The following SRCIN1 variants were observed in gnomAD, a reference collection of about 807,000 sequenced individuals.
The protein encoded by SRCIN1 is SRC kinase signaling inhibitor 1, also known as P130Cas-associated protein.
SRCIN1 carries 50 observed loss-of-function variants against 116.2 expected under a neutral mutation model. The observed-to-expected ratio is 0.43, with a 90% confidence interval of 0.34 to 0.54. SRCIN1 has a LOEUF of 0.54. Ranked by LOEUF, SRCIN1 falls within the 20% of genes least tolerant of loss-of-function variation. The pLI is 0.02. For synonymous variants in SRCIN1, 736 were observed against 750.0 expected, an observed-to-expected ratio of 0.98 and a Z score of 0.30; for missense variants, 1,446 against 1,672.0, an observed-to-expected ratio of 0.86 and a Z score of 2.36.
chr17:38,533,990 C>A (rs1273146763), intron 18 of SRCIN1, among the ~76,000 whole-genome samples: 2 of 152,158 alleles, frequency 1.3e-5, no homozygotes, highest in Admixed American at 1.3e-4. Context: ...ACCACCACCA[C>A]CTGGAAATCT....
chr17:38,548,401 G>A lies in SRCIN1; in HGVS notation c.3270+156C>T, dbSNP rs576274631. ...CCACCCCTCATTTCACAGTGGAGAA[G>A]AAATGGAGGCAAAAGGCTGGGGTCT... is the stretch of plus-strand genomic sequence containing the variant. On this transcript the variant is annotated intron_variant, in intron 17 of 18. Coordinates refer to ENST00000617146, the MANE Select transcript of SRCIN1 (RefSeq NM_025248.3). Among the ~76,000 whole-genome samples the A allele has an allele frequency of 8.4e-4, 128 of 152,296 alleles. 1 individual carries two copies. The highest frequency in any genetic ancestry group is 3.4e-3 in the Middle Eastern group (1 of 294).
rs912487042 is a variant in SRCIN1, at chr17:38,568,529, G to A, written c.325-298C>T. On this transcript the variant is annotated intron_variant, in intron 2 of 18. Coordinates refer to ENST00000617146, the MANE Select transcript of SRCIN1 (RefSeq NM_025248.3). The surrounding 1 kb of genome is among the most constrained non-coding windows in gnomAD (Gnocchi z 4.5). ...GCGAACCCATGAGGCAGTCACAAGA[G>A]AGGCAGCGACAAAGCTGAGCTGTGG... Among the ~76,000 whole-genome samples the A allele has an allele frequency of 2.8e-4, 42 of 152,242 alleles. No individual in the cohort carries two copies. The highest frequency in any genetic ancestry group is 2.2e-3 in the Admixed American group (33 of 15,288).
intron 1 of SRCIN1, among the ~76,000 whole-genome samples, chr17:38,588,777 C>T (rs866198006): frequency 6.6e-6 from 1 of 152,178 alleles, no homozygotes; most frequent in South Asian, 2.1e-4. Context: ...CATCCTGCCT[C>T]CCCACAGGGA....
At chr17:38,599,416 G>A (rs1022164263) in intron 1 of SRCIN1, among the ~76,000 whole-genome samples, 7 of 152,092 alleles carry the variant, frequency 4.6e-5, no homozygotes, top group Admixed American at 4.6e-4. Context: ...CTGCACTCTG[G>A]CAACCACACC....
chr17:38,559,922 T>C, intron 9 of SRCIN1, 132 bp downstream of exon 9: 1 of 1,351,296 alleles, frequency 7.4e-7, no homozygotes, highest in South Asian at 1.3e-5. Flanking sequence ...GCCCTAACGG[T>C]GGGGACCAAA....
At position 38,532,079 on chromosome 17, in the gene SRCIN1, G is replaced by A. The variant is rs1025166403; in HGVS notation, c.*1218C>T. On this transcript the variant is annotated 3_prime_UTR_variant, in exon 19 of 19. Coordinates refer to ENST00000617146, the MANE Select transcript of SRCIN1 (RefSeq NM_025248.3). This position sits in a 1 kb window ranked among gnomAD's most constrained non-coding sequence, Gnocchi z 4.3. Reference sequence around the variant, plus strand: ...GCGGCACTGCCAACCGCCTCTGCAGGGCAGGCAGGGCGTCCACAGGCCAGG... The same window carrying A: ...GCGGCACTGCCAACCGCCTCTGCAGAGCAGGCAGGGCGTCCACAGGCCAGG... The A allele has an allele frequency of 6.6e-6, 1 of 152,294 alleles. No homozygotes were observed. Among genetic ancestry groups the A allele is most frequent in the Non-Finnish European group, 1.5e-5 (1 of 68,062 alleles). 9.4% of individuals were successfully genotyped at this position (152,294 alleles called of 1,614,324 possible). A position where few individuals can be genotyped will look rare whatever the true frequency, so the allele number is the denominator to read the frequency against.
At chr17:38,590,329 G>A (rs1331477133) in intron 1 of SRCIN1, among the ~76,000 whole-genome samples, 1 of 152,148 alleles carries the variant, frequency 6.6e-6, no homozygotes, top group Non-Finnish European at 1.5e-5. Context: ...CCCTCCTCCC[G>A]GGTTCAAGCA....
intron 2 of SRCIN1, among the ~76,000 whole-genome samples, chr17:38,575,547 C>G (rs1243276834): frequency 6.6e-6 from 1 of 152,192 alleles, no homozygotes; most frequent in African/African-American, 2.4e-5. Context: ...CTGCGCCCGG[C>G]CTCATATCCA....
rs559146821 is a variant in SRCIN1 at position 38,566,523 on chromosome 17, T to C, written c.345+1688A>G. The stretch of plus-strand genomic sequence containing the variant: ...TCCCAAGACAGGAGAGGGACCACCA[T>C]GGGAGGTAGAGAGCGCCTATCACCA... On this transcript the variant is annotated intron_variant, in intron 3 of 18. Coordinates refer to ENST00000617146, the MANE Select transcript of SRCIN1 (RefSeq NM_025248.3). Among the ~76,000 whole-genome samples, 18 of 152,226 alleles carry C rather than the reference T, an allele frequency of 1.2e-4. No homozygotes were observed. In the South Asian group the frequency reaches 3.5e-3, roughly 30 times the overall value.
chr17:38,546,450 C>T (rs1239948461), intron 17 of SRCIN1: 1 of 152,328 alleles, frequency 6.6e-6, no homozygotes, highest in Non-Finnish European at 1.5e-5. Flanking sequence ...CCAGCCTTGC[C>T]ACCTGCTTAC....
In SRCIN1 at chr17:38,564,409, C is replaced by T. The variant is rs957047578; in HGVS notation, c.346-96G>A. The T allele has an allele frequency of 4.7e-6, 6 of 1,269,660 alleles. No homozygotes were observed. In the African/African-American group the frequency reaches 9.0e-5, roughly 19 times the overall value. The allele number at this position is 1,269,660 out of a possible 1,614,324, so 78.6% of individuals were successfully genotyped here. On this transcript the variant is annotated intron_variant, in intron 3 of 18. Transcript: ENST00000617146. ...ATATCCAGGCCTGGGAAGGTCCTGC[C>T]AGCCAGCGACACCCACACAGATTAC... is the stretch of plus-strand genomic sequence containing the variant.
Position 38,552,356 on chromosome 17 carries a change from T to TG in SRCIN1, c.2480+90dup, listed in dbSNP as rs1349110290. The stretch of plus-strand genomic sequence containing the variant: ...GTCCAGTCGGCACGCCAGTGACCTT[T>TG]GGGGGAGTTGGGGTAAGGGTTCAGT... On this transcript the variant is annotated intron_variant, in intron 13 of 18. Coordinates refer to ENST00000617146, the MANE Select transcript of SRCIN1 (RefSeq NM_025248.3). This position sits in a 1 kb window ranked among gnomAD's most constrained non-coding sequence, Gnocchi z 5.3. 12 of 1,490,346 alleles carry TG rather than the reference T, an allele frequency of 8.1e-6. No homozygotes were observed. The highest frequency in any genetic ancestry group is 1.1e-5 in the Non-Finnish European group (12 of 1,119,678). The allele number at this position is 1,490,346 out of a possible 1,614,324, so 92.3% of individuals were successfully genotyped here.
intron 1 of SRCIN1, among the ~76,000 whole-genome samples, chr17:38,579,713 C>G (rs112601966): frequency 1.3e-5 from 2 of 152,120 alleles, no homozygotes; most frequent in East Asian, 3.9e-4. Flanking sequence ...TGAGGTCCCA[C>G]GCGGAACTCT....
intron 11 of SRCIN1, among the ~76,000 whole-genome samples, chr17:38,553,582 A>G (rs1905590332): frequency 6.6e-6 from 1 of 152,154 alleles, no homozygotes; most frequent in Admixed American, 6.5e-5. Context: ...TGATCCAGCC[A>G]CACAGCCTCT....
intron 2 of SRCIN1, among the ~76,000 whole-genome samples, chr17:38,574,286 G>A (rs2143289055): frequency 6.6e-6 from 1 of 152,306 alleles, no homozygotes; most frequent in African/African-American, 2.4e-5. Context: ...CTGCCTACAT[G>A]TGTCCCTGTC....
In SRCIN1 at chr17:38,530,374, C is replaced by T; in HGVS notation, c.*2923G>A. On this transcript the variant is annotated 3_prime_UTR_variant, in exon 19 of 19. Coordinates refer to ENST00000617146, the MANE Select transcript of SRCIN1 (RefSeq NM_025248.3). ...TATTGTGGAAGGGGCAGGAAATCCC[C>T]CATGCGAGTAACACAGCACAGTGGG... The T allele has an allele frequency of 6.6e-6, 1 of 152,158 alleles. No individual in the cohort carries two copies. Among genetic ancestry groups the T allele is most frequent in the Non-Finnish European group, 1.5e-5 (1 of 68,054 alleles). 9.4% of individuals were successfully genotyped at this position (152,158 alleles called of 1,614,324 possible). A position where few individuals can be genotyped will look rare whatever the true frequency, so the allele number is the denominator to read the frequency against.
intron 18 of SRCIN1, among the ~76,000 whole-genome samples, 179 bp downstream of exon 18, chr17:38,543,644 G>C (rs537244094): frequency 6.6e-6 from 1 of 152,204 alleles, no homozygotes; most frequent in African/African-American, 2.4e-5. Flanking sequence ...CTCCGGGATC[G>C]GGAGGAGGAG....
intron 3 of SRCIN1, among the ~76,000 whole-genome samples, chr17:38,565,237 C>A (rs2143221349): frequency 6.6e-6 from 1 of 152,308 alleles, no homozygotes; most frequent in East Asian, 1.9e-4. Context: ...AGGGCCACAG[C>A]CCCTGACATT....
rs111405335 is a variant in SRCIN1, at chr17:38,539,882, G to A, written c.3417+3941C>T. Among the ~76,000 whole-genome samples the A allele has an allele frequency of 1.6e-4, 25 of 151,972 alleles. 1 individual carries two copies. In the East Asian group the frequency reaches 1.9e-3, roughly 12 times the overall value. ...CTGAAAATACAAAAATTAGCCGGGC[G>A]TGTTGACACACACCTGTAATCCCAG... On this transcript the variant is annotated intron_variant, in intron 18 of 18. Coordinates refer to ENST00000617146, the MANE Select transcript of SRCIN1 (RefSeq NM_025248.3).
Sources: allele counts gnomAD v4.1 joint callset (sites outside exome capture counted in the v4.1 genomes callset), GRCh38; gene constraint gnomAD v4.1.1; non-coding constraint Gnocchi (gnomAD v3.1); transcripts MANE v1.5; gene names NCBI Gene and HGNC (gene_info 2026-07-23, HGNC 2026-07-21).